Variants in ZNF516 observed in about 807,000 individuals in gnomAD.
ZNF516 encodes the protein zinc finger protein 516.
ZNF516 carries 19 observed loss-of-function variants against 79.7 expected under a neutral mutation model. That is an observed-to-expected ratio of 0.24 (90% CI 0.17 to 0.35). The LOEUF (loss-of-function observed/expected upper bound fraction) is 0.35, where lower values mean the gene tolerates loss of function less well. ZNF516 is among the 10% of genes least tolerant of loss of function. The probability of loss-of-function intolerance (pLI) is 1.00; values close to 1 mark genes in which losing one functional copy is unlikely to be tolerated. For synonymous variants in ZNF516, 877 were observed against 739.5 expected, an observed-to-expected ratio of 1.19 and a Z score of -3.02; for missense variants, 1,678 against 1,679.5, an observed-to-expected ratio of 1.00 and a Z score of 0.02.
At chr18:76,387,702 G>C (rs2075014322) in intron 3 of ZNF516, 3 of 152,396 alleles carry the variant, frequency 2.0e-5, no homozygotes, top group South Asian at 4.1e-4. Flanking sequence ...GCTGGCTTTA[G>C]TGCACAGAGG....
chr18:76,419,574 G>C (rs866706511), intron 3 of ZNF516, among the ~76,000 whole-genome samples: 1 of 152,210 alleles, frequency 6.6e-6, no homozygotes, highest in Non-Finnish European at 1.5e-5. Flanking sequence ...CATGTACTGA[G>C]AGGGACCTGA....
chr18:76,369,009 G>A (rs538801085), intron 6 of ZNF516, among the ~76,000 whole-genome samples: 60 of 152,340 alleles, frequency 3.9e-4, no homozygotes, highest in Admixed American at 3.6e-3. Flanking sequence ...CAAAAGCCAG[G>A]TCTTTGGTGG....
chr18:76,495,706 G>A (rs747117116), upstream of ZNF516: 1 of 1,191,796 alleles, frequency 8.4e-7, no homozygotes. Context: ...AGACGTGCTC[G>A]GGATGCGGGT....
At chr18:76,396,608 G>C (rs1210772985) in intron 3 of ZNF516, among the ~76,000 whole-genome samples, 1 of 152,170 alleles carries the variant, frequency 6.6e-6, no homozygotes. Flanking sequence ...GGGGAAACTT[G>C]ATGAAATCAG....
rs1911687283 is a variant in ZNF516 at position 76,441,934 on chromosome 18, T to C, written c.1121A>G (p.Glu374Gly). ...GAACTGCTTGGTGTCCGAGGGCCCCTCCGCCCCCTCCTCGGCCGGGGCGCG... is the reference window on the plus strand; with the variant it reads ...GAACTGCTTGGTGTCCGAGGGCCCCCCCGCCCCCTCCTCGGCCGGGGCGCG... The part of the protein sequence containing the change: ...RTRAPAEEGA[E>G]GPSDTKQFFL... The change falls in exon 3 of 7, where the codon GAG (glutamate) becomes GGG (glycine). Residue 374 changes from glutamate (E) to glycine (G), a missense_variant. Physicochemically the swap from Glu to Gly is moderately conservative, Grantham distance 98. Coordinates refer to ENST00000443185, the MANE Select transcript of ZNF516 (RefSeq NM_014643.4). The C allele has an allele frequency of 1.2e-6, 2 of 1,608,818 alleles. No individual in the cohort carries two copies. The highest frequency in any genetic ancestry group is 1.1e-5 in the South Asian group (1 of 90,744).
intron 4 of ZNF516, among the ~76,000 whole-genome samples, chr18:76,374,517 T>G (rs145357955): frequency 1.3e-5 from 2 of 152,174 alleles, no homozygotes; most frequent in Admixed American, 1.3e-4. Context: ...CCCGAACACA[T>G]GTGGGGGCGG....
intron 4 of ZNF516, among the ~76,000 whole-genome samples, chr18:76,374,761 G>A (rs1034188005): frequency 2.0e-5 from 3 of 152,170 alleles, no homozygotes; most frequent in Non-Finnish European, 2.9e-5. Flanking sequence ...TACAGCAATA[G>A]GGGTAATCAA....
Position 76,451,280 on chromosome 18 carries a change from G to A in ZNF516, c.-157-8069C>T, listed in dbSNP as rs564381999. On this transcript the variant is annotated intron_variant, in intron 2 of 6. Coordinates refer to ENST00000443185, the MANE Select transcript of ZNF516 (RefSeq NM_014643.4). This position sits in a 1 kb window ranked among gnomAD's most constrained non-coding sequence, Gnocchi z 6.0. Reference sequence around the variant, plus strand: ...ACGCCATGTGGCTTTACTTATCCCCGTCTGCGTCCTCTCTGACCACCTTCC... The same window carrying A: ...ACGCCATGTGGCTTTACTTATCCCCATCTGCGTCCTCTCTGACCACCTTCC... 8.5e-5 allele frequency among the ~76,000 whole-genome samples: 13 copies of A among 152,250 alleles called. No individual in the cohort carries two copies. Among genetic ancestry groups the A allele is most frequent in the Non-Finnish European group, 1.3e-4 (9 of 68,034 alleles).
rs1912416936 is a variant in ZNF516 at position 76,451,587 on chromosome 18, T to C, written c.-157-8376A>G. 2.0e-5 allele frequency among the ~76,000 whole-genome samples: 3 copies of C among 152,200 alleles called. No homozygotes were observed. The South Asian group carries it at 6.2e-4, about 32-fold the overall frequency. On this transcript the variant is annotated intron_variant, in intron 2 of 6. Transcript: ENST00000443185. The surrounding 1 kb of genome is among the most constrained non-coding windows in gnomAD (Gnocchi z 6.0). ...CTGGTGCGTTTCTGAAGGACGACTC[T>C]CAGACACGGTTGGTCCCGGCCACAG...
At chr18:76,428,446 C>G (rs1332564824) in intron 3 of ZNF516, among the ~76,000 whole-genome samples, 1 of 151,300 alleles carries the variant, frequency 6.6e-6, no homozygotes, top group Non-Finnish European at 1.5e-5. Flanking sequence ...TAAGTGTTGT[C>G]AGCATGTTTA....
rs589811 is a variant in ZNF516, at chr18:76,357,833, G to A, written c.*4665C>T. 4.0e-5 allele frequency among the ~76,000 whole-genome samples: 6 copies of A among 151,852 alleles called. No individual in the cohort carries two copies. Among genetic ancestry groups the A allele is most frequent in the East Asian group, 3.9e-4 (2 of 5,182 alleles). On this transcript the variant is annotated 3_prime_UTR_variant, in exon 7 of 7. Transcript: ENST00000443185. ...CCAGGTGTGGCTGAGTCAGAATTCCGTCCGCGTCCATCCCTGTGCGTCCTG... is the reference window on the plus strand; with the variant it reads ...CCAGGTGTGGCTGAGTCAGAATTCCATCCGCGTCCATCCCTGTGCGTCCTG...
chr18:76,430,900 G>T (rs187457633), intron 3 of ZNF516, among the ~76,000 whole-genome samples: 24 of 152,326 alleles, frequency 1.6e-4, no homozygotes, highest in Admixed American at 1.2e-3. Context: ...TGTAAAGAAA[G>T]CAGGAGACAA....
At chr18:76,417,001 A>T (rs939335089) in intron 3 of ZNF516, among the ~76,000 whole-genome samples, 2 of 152,184 alleles carry the variant, frequency 1.3e-5, no homozygotes, top group African/African-American at 4.8e-5. Context: ...GACCTCCATA[A>T]ATAACTTGGA....
rs541500558 is a variant in ZNF516 at position 76,364,555 on chromosome 18, G to A, written c.3433-1998C>T. 7.2e-5 allele frequency among the ~76,000 whole-genome samples: 11 copies of A among 152,284 alleles called. No homozygotes were observed. The South Asian group carries it at 2.3e-3, about 32-fold the overall frequency. On this transcript the variant is annotated intron_variant, in intron 6 of 6. Transcript: ENST00000443185. ...TGAAAGACATACTATCTTTCTTGAA[G>A]GTATTTCAGTGTTCTAGGGATGGAT...
At chr18:76,466,454 G>A (rs1913475507) in intron 1 of ZNF516, among the ~76,000 whole-genome samples, 1 of 152,214 alleles carries the variant, frequency 6.6e-6, no homozygotes, top group African/African-American at 2.4e-5. Flanking sequence ...CCGACGCTCT[G>A]CACGCTCACC....
At chr18:76,484,222 A>C (rs1914697863) in intron 1 of ZNF516, among the ~76,000 whole-genome samples, 1 of 152,228 alleles carries the variant, frequency 6.6e-6, no homozygotes, top group Admixed American at 6.5e-5. Flanking sequence ...GCTCTGCACC[A>C]TTCCTGTGGC....
At chr18:76,486,021 C>G (rs115895940) in intron 1 of ZNF516, among the ~76,000 whole-genome samples, 1 of 152,110 alleles carries the variant, frequency 6.6e-6, no homozygotes, top group Admixed American at 6.5e-5. Context: ...CAACTCTTAG[C>G]CTTATTTGTG....
intron 1 of ZNF516, among the ~76,000 whole-genome samples, chr18:76,466,863 A>C (rs1389741607): frequency 6.6e-6 from 1 of 152,204 alleles, no homozygotes; most frequent in African/African-American, 2.4e-5. Context: ...TATCACCAGG[A>C]CCTGGAGTCT....
intron 3 of ZNF516, among the ~76,000 whole-genome samples, chr18:76,401,828 G>GCCGCACCT (rs1555701864): frequency 7.0e-6 from 1 of 143,470 alleles, no homozygotes; most frequent in South Asian, 2.2e-4. Context: ...ACACCCCCGC[G>GCCGCACCT]CTCCATCTCT....
Sources: gnomAD v4.1 joint callset for allele counts (sites outside exome capture counted in the v4.1 genomes callset) on GRCh38, gnomAD v4.1.1 for gene constraint, Gnocchi (gnomAD v3.1) non-coding constraint, MANE v1.5 for transcripts, NCBI Gene and HGNC (gene_info 2026-07-23, HGNC 2026-07-21) for gene names.